Variants in SAMD12 observed in about 807,000 individuals in gnomAD.
SAMD12 encodes the protein sterile alpha motif domain containing 12.
A neutral mutation model predicts 15.0 loss-of-function variants in SAMD12; 9 were observed. The observed-to-expected ratio is 0.60, with a 90% CI of 0.36 to 1.05. The LOEUF is 1.05. Among genes scored for constraint, SAMD12 ranks in the 50% least tolerant of loss-of-function variants. The probability of loss-of-function intolerance (pLI) is 0.01; values close to 1 mark genes in which losing one functional copy is unlikely to be tolerated. For synonymous variants in SAMD12, 86 were observed against 90.1 expected (o/e 0.96, Z 0.25); for missense variants, 230 against 234.2 (o/e 0.98, Z 0.12).
intron 2 of SAMD12, among the ~76,000 whole-genome samples, chr8:118,526,428 C>T (rs971387036): frequency 2.0e-5 from 3 of 152,182 alleles, no homozygotes; most frequent in Non-Finnish European, 2.9e-5. Flanking sequence ...GGTTTCACCT[C>T]TATAAATTCT....
intron 4 of SAMD12, among the ~76,000 whole-genome samples, chr8:118,237,006 G>A (rs1812451215): frequency 6.6e-6 from 1 of 152,104 alleles, no homozygotes; most frequent in African/African-American, 2.4e-5. Context: ...ATAGCAGCCA[G>A]TTCTTTGACT....
chr8:118,333,966 G>A (rs1292231513), intron 4 of SAMD12, among the ~76,000 whole-genome samples: 1 of 147,760 alleles, frequency 6.8e-6, no homozygotes, highest in Non-Finnish European at 1.5e-5. Flanking sequence ...GCGGGGGGCA[G>A]GGGTGTGTCT....
chr8:118,564,958 G>A (rs1258620564), intron 2 of SAMD12, among the ~76,000 whole-genome samples: 1 of 152,220 alleles, frequency 6.6e-6, no homozygotes, highest in Admixed American at 6.5e-5. Flanking sequence ...GGTTTTTGCT[G>A]CCCCAGCCTG....
At chr8:118,533,189 G>A (rs1254682099) in intron 2 of SAMD12, among the ~76,000 whole-genome samples, 6 of 152,056 alleles carry the variant, frequency 3.9e-5, no homozygotes, top group South Asian at 2.1e-4. Context: ...CCTTCATTTC[G>A]TTAATGTACC....
At chr8:118,306,773 C>T (rs549299832) in intron 4 of SAMD12, among the ~76,000 whole-genome samples, 2 of 152,284 alleles carry the variant, frequency 1.3e-5, no homozygotes, top group African/African-American at 4.8e-5. Flanking sequence ...CTGTGTCTGT[C>T]CTAGACTGCT....
intron 4 of SAMD12, among the ~76,000 whole-genome samples, chr8:118,288,985 G>A (rs956965650): frequency 3.9e-5 from 6 of 152,128 alleles, no homozygotes; most frequent in African/African-American, 1.4e-4. Flanking sequence ...AACAAAATAA[G>A]ACCAGTGAAG....
intron 4 of SAMD12, among the ~76,000 whole-genome samples, chr8:118,312,315 T>C (rs893288876): frequency 2.6e-5 from 4 of 152,214 alleles, no homozygotes; most frequent in African/African-American, 9.6e-5. Context: ...ACTATGCCTG[T>C]CTCTGAATGC....
At chr8:118,615,348 T>C (rs1828214237) in intron 1 of SAMD12, among the ~76,000 whole-genome samples, 1 of 152,176 alleles carries the variant, frequency 6.6e-6, no homozygotes, top group South Asian at 2.1e-4. Flanking sequence ...TTAGCACTTA[T>C]ATCATTCAGT....
intron 3 of SAMD12, among the ~76,000 whole-genome samples, chr8:118,430,750 T>C: frequency 6.6e-6 from 1 of 152,184 alleles, no homozygotes; most frequent in African/African-American, 2.4e-5. Flanking sequence ...ACTGTGTTAG[T>C]GTAATACATC....
At chr8:118,407,864 T>C (rs1821209720) in intron 3 of SAMD12, among the ~76,000 whole-genome samples, 1 of 152,174 alleles carries the variant, frequency 6.6e-6, no homozygotes, top group South Asian at 2.1e-4. Flanking sequence ...CAGACTCATT[T>C]TAATCTCAAT....
chr8:118,188,358 A>G (rs892095898), downstream of SAMD12, among the ~76,000 whole-genome samples: 24 of 152,182 alleles, frequency 1.6e-4, no homozygotes, highest in African/African-American at 5.8e-4. Context: ...CCAAGTTCAA[A>G]ATCTTTTAAG....
chr8:118,181,751 G>C, the SAMD12 span, among the ~76,000 whole-genome samples: 9 of 152,310 alleles, frequency 5.9e-5, no homozygotes, highest in African/African-American at 2.2e-4. Context: ...AAGGTAGTTT[G>C]AGTTGGGCTT....
At chr8:118,601,562 G>A (rs532468164) in intron 1 of SAMD12, among the ~76,000 whole-genome samples, 35 of 152,184 alleles carry the variant, frequency 2.3e-4, no homozygotes, top group Middle Eastern at 3.4e-3. Context: ...TTCAAACATC[G>A]TTACTCATTA....
At chr8:118,248,630 A>AT (rs1812750513) in intron 4 of SAMD12, among the ~76,000 whole-genome samples, 1 of 127,558 alleles carries the variant, frequency 7.8e-6, no homozygotes, top group Admixed American at 8.5e-5. Context: ...TGAATAGATG[A>AT]CTTTTTTTTT....
chr8:118,425,719 A>C (rs954242308), intron 3 of SAMD12, among the ~76,000 whole-genome samples: 3 of 152,214 alleles, frequency 2.0e-5, no homozygotes, highest in Non-Finnish European at 4.4e-5. Context: ...GAATAAAGAC[A>C]GGGGAAAAAA....
chr8:118,392,268 T>C (rs1820318603), intron 3 of SAMD12, among the ~76,000 whole-genome samples: 1 of 151,856 alleles, frequency 6.6e-6, no homozygotes. Context: ...TCTACTAAAA[T>C]ACACACAAAA....
chr8:118,167,805 T>C, the SAMD12 span, among the ~76,000 whole-genome samples: 41 of 152,256 alleles, frequency 2.7e-4, 1 homozygote, highest in South Asian at 1.0e-3. Flanking sequence ...CAGTTCTCTA[T>C]GGTGAGCATT....
At chr8:118,272,370 A>C (rs536147894) in intron 4 of SAMD12, among the ~76,000 whole-genome samples, 5 of 152,154 alleles carry the variant, frequency 3.3e-5, no homozygotes, top group Non-Finnish European at 7.3e-5. Flanking sequence ...AGCCTAGCCT[A>C]CCAAACCATG....
At chr8:118,319,395 G>C (rs751584254) in intron 4 of SAMD12, among the ~76,000 whole-genome samples, 5 of 152,052 alleles carry the variant, frequency 3.3e-5, no homozygotes, top group Non-Finnish European at 5.9e-5. Context: ...AGTCAGCAAG[G>C]GAAGGAGTTC....
Sources: gnomAD v4.1 joint callset for allele counts (sites outside exome capture counted in the v4.1 genomes callset) on GRCh38, gnomAD v4.1.1 for gene constraint, MANE v1.5 for transcripts, NCBI Gene and HGNC (gene_info 2026-07-23, HGNC 2026-07-21) for gene names.